SRPK2: variants seen among roughly 807,000 people sequenced by gnomAD.
SRPK2 encodes the protein SFRS protein kinase 2.
A neutral mutation model predicts 90.8 loss-of-function variants in SRPK2; 21 were observed. The observed-to-expected ratio is 0.23, with a 90% CI of 0.16 to 0.33. The LOEUF (loss-of-function observed/expected upper bound fraction) is 0.33. Among genes scored for constraint, SRPK2 ranks in the 10% least tolerant of loss-of-function variants. SRPK2 has a pLI of 1.00. For missense variants in SRPK2, 620 were observed against 869.0 expected, an observed-to-expected ratio of 0.71 and a Z score of 3.60; for synonymous variants, 288 against 311.1, an observed-to-expected ratio of 0.93 and a Z score of 0.78.
chr7:105,230,825 C>T (rs1045600389), intron 2 of SRPK2, among the ~76,000 whole-genome samples: 4 of 152,032 alleles, frequency 2.6e-5, no homozygotes, highest in Non-Finnish European at 5.9e-5. Flanking sequence ...ATAAACCAAC[C>T]ATTTTTCAGT....
At chr7:105,203,546 T>TC (rs1314505490) in intron 3 of SRPK2, 82 bp downstream of exon 3, 2 of 1,365,574 alleles carry the variant, frequency 1.5e-6, no homozygotes, top group Admixed American at 5.5e-5. Context: ...CACTACCTCC[T>TC]CCCCTTGTCC....
chr7:105,279,355 C>T (rs1363946689), intron 2 of SRPK2, among the ~76,000 whole-genome samples: 1 of 152,176 alleles, frequency 6.6e-6, no homozygotes. Context: ...TTTTCTGTCA[C>T]TTTTAAAATT....
At chr7:105,382,880 T>C (rs1243038000) in intron 2 of SRPK2, among the ~76,000 whole-genome samples, 1 of 152,050 alleles carries the variant, frequency 6.6e-6, no homozygotes, top group Admixed American at 6.6e-5. Flanking sequence ...ACTGATAAAA[T>C]CCAAGTAAAA....
At chr7:105,216,686 ACAC>A (rs1797515021) in intron 2 of SRPK2, among the ~76,000 whole-genome samples, 1 of 151,512 alleles carries the variant, frequency 6.6e-6, no homozygotes, top group Non-Finnish European at 1.5e-5. Flanking sequence ...AGAGAGAGAG[ACAC>A]CACCACAACA....
intron 15 of SRPK2, among the ~76,000 whole-genome samples, chr7:105,122,220 T>C (rs150073497): frequency 0.014 from 2,097 of 152,354 alleles, 23 homozygotes; most frequent in Non-Finnish European, 0.022. Flanking sequence ...TAAATCTTCA[T>C]GACCTTGAAG....
chr7:105,394,149 T>TC (rs1171609151), upstream of SRPK2, among the ~76,000 whole-genome samples: 1 of 149,222 alleles, frequency 6.7e-6, no homozygotes, highest in Admixed American at 6.6e-5. Flanking sequence ...TTCTTTCTTT[T>TC]TTTTTTTTTT....
intron 2 of SRPK2, among the ~76,000 whole-genome samples, chr7:105,251,926 C>G (rs957610744): frequency 7.2e-5 from 11 of 152,174 alleles, no homozygotes; most frequent in Non-Finnish European, 1.3e-4. Flanking sequence ...CATCATAAAC[C>G]ATAATTTCTC....
At chr7:105,271,905 C>T (rs1290746367) in intron 2 of SRPK2, among the ~76,000 whole-genome samples, 1 of 152,170 alleles carries the variant, frequency 6.6e-6, no homozygotes, top group Non-Finnish European at 1.5e-5. Flanking sequence ...TTCTGGCCTT[C>T]CTGATAAACT....
At chr7:105,266,475 TGTG>T (rs1326103938) in intron 2 of SRPK2, among the ~76,000 whole-genome samples, 1 of 152,112 alleles carries the variant, frequency 6.6e-6, no homozygotes, top group African/African-American at 2.4e-5. Flanking sequence ...CAAAATCAGT[TGTG>T]GTGAATGATA....
At chr7:105,348,770 T>C (rs553509690) in intron 2 of SRPK2, among the ~76,000 whole-genome samples, 66 of 151,726 alleles carry the variant, frequency 4.3e-4, no homozygotes, top group African/African-American at 1.6e-3. Flanking sequence ...AATCAGATGA[T>C]ACACTTTAAA....
chr7:105,326,283 C>T (rs1224092703), intron 2 of SRPK2, among the ~76,000 whole-genome samples: 1 of 152,156 alleles, frequency 6.6e-6, no homozygotes, highest in Non-Finnish European at 1.5e-5. Flanking sequence ...TCACTTTTAC[C>T]ACTCTATAAT....
chr7:105,149,251 GGA>G (rs1227908376), intron 7 of SRPK2, among the ~76,000 whole-genome samples: 3 of 152,182 alleles, frequency 2.0e-5, no homozygotes, highest in African/African-American at 7.2e-5. Context: ...CCCTATGGTG[GGA>G]GGTGAGACAT....
At chr7:105,233,006 A>G (rs1169600708) in intron 2 of SRPK2, among the ~76,000 whole-genome samples, 1 of 149,880 alleles carries the variant, frequency 6.7e-6, no homozygotes, top group Non-Finnish European at 1.5e-5. Flanking sequence ...GGCAAAGGAA[A>G]GGAGGGAGGG....
intron 2 of SRPK2, among the ~76,000 whole-genome samples, chr7:105,258,417 CAA>C (rs33941320): frequency 0.098 from 11,931 of 121,586 alleles, 1,591 homozygotes; most frequent in African/African-American, 0.35. Context: ...AACTCGGTCT[CAA>C]AAAAAAAAAA....
At chr7:105,185,881 C>T (rs753615475) in intron 3 of SRPK2, among the ~76,000 whole-genome samples, 1 of 152,126 alleles carries the variant, frequency 6.6e-6, no homozygotes, top group Non-Finnish European at 1.5e-5. Flanking sequence ...GCTTAGAAGG[C>T]TTATAATCCA....
At chr7:105,320,885 T>G (rs1012644691) in intron 2 of SRPK2, among the ~76,000 whole-genome samples, 1 of 152,154 alleles carries the variant, frequency 6.6e-6, no homozygotes, top group African/African-American at 2.4e-5. Context: ...CAGGCTGGAA[T>G]GGCGGTGTGA....
At chr7:105,317,682 T>G (rs1204058) in intron 2 of SRPK2, among the ~76,000 whole-genome samples, 110,490 of 152,116 alleles carry the variant, frequency 0.73, 40,658 homozygotes, top group African/African-American at 0.84. Context: ...TGATAATCTG[T>G]CTTCAATTAA....
At chr7:105,165,647 C>T (rs1174211977) in intron 6 of SRPK2, among the ~76,000 whole-genome samples, 1 of 151,868 alleles carries the variant, frequency 6.6e-6, no homozygotes, top group African/African-American at 2.4e-5. Context: ...ACTGTGTCTA[C>T]CTAAAGGATT....
intron 2 of SRPK2, among the ~76,000 whole-genome samples, chr7:105,270,331 G>A (rs1370483884): frequency 6.6e-6 from 1 of 152,010 alleles, no homozygotes; most frequent in Admixed American, 6.6e-5. Flanking sequence ...CCCTCAGCAG[G>A]GCCCCTCCCC....
Sources: gnomAD v4.1 joint callset for allele counts (sites outside exome capture counted in the v4.1 genomes callset) on GRCh38, gnomAD v4.1.1 for gene constraint, MANE v1.5 for transcripts, NCBI Gene and HGNC (gene_info 2026-07-23, HGNC 2026-07-21) for gene names.